The following FHIT variants were observed in gnomAD, a reference collection of about 807,000 sequenced individuals.
FHIT encodes the protein bis(5'-adenosyl)-triphosphatase.
FHIT carries 19 observed loss-of-function variants against 17.9 expected under a neutral mutation model. The ratio of observed to expected loss-of-function variants is 1.06; its 90% confidence interval spans 0.74 to 1.56. The LOEUF (loss-of-function observed/expected upper bound fraction) is 1.56, where lower values mean the gene tolerates loss of function less well. FHIT is among the 40% of genes most tolerant of loss of function. The pLI is 0.00. For synonymous variants in FHIT, 81 were observed against 69.7 expected, an observed-to-expected ratio of 1.16 and a Z score of -0.81; for missense variants, 248 against 189.2, an observed-to-expected ratio of 1.31 and a Z score of -1.82.
intron 5 of FHIT, among the ~76,000 whole-genome samples, chr3:60,205,925 G>A (rs1303443535): frequency 7.9e-5 from 12 of 151,046 alleles, no homozygotes; most frequent in Admixed American, 4.0e-4. Flanking sequence ...TGGCTAACAC[G>A]GTGAAACCCC....
chr3:60,431,281 C>A (rs915607234), intron 5 of FHIT, among the ~76,000 whole-genome samples: 2 of 151,488 alleles, frequency 1.3e-5, no homozygotes, highest in African/African-American at 2.4e-5. Context: ...CTTGCTCCAT[C>A]ATTTCTTTTT....
chr3:60,461,658 T>C (rs1009537081), intron 5 of FHIT, among the ~76,000 whole-genome samples: 9 of 152,210 alleles, frequency 5.9e-5, no homozygotes, highest in Non-Finnish European at 1.0e-4. Flanking sequence ...GAAGTCTTTT[T>C]TCTTCTGCAA....
intron 8 of FHIT, among the ~76,000 whole-genome samples, chr3:59,889,482 T>C (rs650197): frequency 0.99 from 150,951 of 152,336 alleles, 74,802 homozygotes; most frequent in Middle Eastern, 1. Flanking sequence ...AATTACATCA[T>C]GAAGGTGAGA....
intron 4 of FHIT, among the ~76,000 whole-genome samples, chr3:60,537,664 G>A (rs1298482180): frequency 5.9e-5 from 9 of 152,122 alleles, no homozygotes; most frequent in Admixed American, 5.2e-4. Context: ...GCCATGGGGG[G>A]CCGGGGGCAG....
At chr3:60,709,590 C>T (rs1027184392) in intron 4 of FHIT, among the ~76,000 whole-genome samples, 2 of 152,178 alleles carry the variant, frequency 1.3e-5, no homozygotes, top group African/African-American at 4.8e-5. Flanking sequence ...TAACAGTGCA[C>T]ATTGCTCTGG....
chr3:60,437,475 C>T (rs946991911), intron 5 of FHIT, among the ~76,000 whole-genome samples: 2 of 152,048 alleles, frequency 1.3e-5, no homozygotes, highest in African/African-American at 4.8e-5. Flanking sequence ...CTGAATCCTG[C>T]TCTATGCCCG....
At chr3:60,075,424 T>A (rs901890961) in intron 5 of FHIT, among the ~76,000 whole-genome samples, 1 of 152,150 alleles carries the variant, frequency 6.6e-6, no homozygotes, top group African/African-American at 2.4e-5. Flanking sequence ...CAAGTGCTCA[T>A]TGTATCATTT....
At chr3:60,336,591 A>T (rs1022691663) in intron 5 of FHIT, among the ~76,000 whole-genome samples, 24 of 152,182 alleles carry the variant, frequency 1.6e-4, no homozygotes, top group Admixed American at 1.6e-3. Flanking sequence ...CCAATATGGT[A>T]GCCACCAGCC....
intron 5 of FHIT, among the ~76,000 whole-genome samples, chr3:60,223,894 G>A (rs7619114): frequency 0.033 from 5,084 of 152,014 alleles, 256 homozygotes; most frequent in African/African-American, 0.11. Context: ...TTCTCAAAGC[G>A]GAGTCAAGTT....
At chr3:60,494,080 T>C (rs562710893) in intron 5 of FHIT, among the ~76,000 whole-genome samples, 3 of 152,304 alleles carry the variant, frequency 2.0e-5, no homozygotes, top group Non-Finnish European at 4.4e-5. Context: ...AATTCATCAA[T>C]CATTTTAAAG....
chr3:61,141,646 T>G (rs2037084657), intron 2 of FHIT, among the ~76,000 whole-genome samples: 1 of 151,378 alleles, frequency 6.6e-6, no homozygotes, highest in Non-Finnish European at 1.5e-5. Context: ...CTGAGTGGGT[T>G]GGGTTGAGGA....
At chr3:61,021,771 G>A (rs952449513) in intron 3 of FHIT, among the ~76,000 whole-genome samples, 19 of 152,110 alleles carry the variant, frequency 1.2e-4, no homozygotes, top group African/African-American at 4.6e-4. Flanking sequence ...AATTAAGGCA[G>A]AAATAAGTAA....
rs758846688 is a variant in FHIT at position 61,150,949 on chromosome 3, AT to A, written c.-164+49667del. ...CCACCAAATTGCATTCATGGAAAGCATTTTTTTTATATTTCATTTTACTGCC... is the reference window on the plus strand; with the variant it reads ...CCACCAAATTGCATTCATGGAAAGCATTTTTTTATATTTCATTTTACTGCC... On this transcript the variant is annotated intron_variant, in intron 2 of 9. Coordinates refer to ENST00000492590, the MANE Select transcript of FHIT (RefSeq NM_002012.4). Among the ~76,000 whole-genome samples, 147 of 152,162 alleles carry A rather than the reference AT, an allele frequency of 9.7e-4. 2 individuals are homozygous for A. The highest frequency in any genetic ancestry group is 1.2e-3 in the Non-Finnish European group (79 of 68,006).
intron 8 of FHIT, among the ~76,000 whole-genome samples, chr3:59,763,141 G>C (rs1436135600): frequency 6.6e-6 from 1 of 152,216 alleles, no homozygotes; most frequent in Non-Finnish European, 1.5e-5. Flanking sequence ...GGAATGGGAA[G>C]AGGCATAGGG....
At chr3:60,830,676 G>A (rs1422179332) in intron 3 of FHIT, among the ~76,000 whole-genome samples, 1 of 152,122 alleles carries the variant, frequency 6.6e-6, no homozygotes, top group Admixed American at 6.5e-5. Flanking sequence ...TTCTACATTA[G>A]GAGAGCAAAA....
At chr3:61,204,486 C>T (rs945066299) in intron 1 of FHIT, among the ~76,000 whole-genome samples, 3 of 151,878 alleles carry the variant, frequency 2.0e-5, no homozygotes, top group Admixed American at 6.6e-5. Flanking sequence ...ATAGAGTAAA[C>T]GCAATCGATT....
chr3:60,837,911 AT>A (rs1702590772), intron 3 of FHIT, among the ~76,000 whole-genome samples: 1 of 152,130 alleles, frequency 6.6e-6, no homozygotes, highest in Admixed American at 6.6e-5. Flanking sequence ...TATCTTCCCC[AT>A]TTATAATATA....
At chr3:60,949,227 T>C (rs1708771270) in intron 3 of FHIT, among the ~76,000 whole-genome samples, 1 of 152,084 alleles carries the variant, frequency 6.6e-6, no homozygotes, top group Admixed American at 6.5e-5. Flanking sequence ...ACCACACCAA[T>C]GGTGGCAGGA....
intron 8 of FHIT, among the ~76,000 whole-genome samples, chr3:59,752,928 T>C (rs991423118): frequency 2.0e-5 from 3 of 152,168 alleles, no homozygotes; most frequent in Non-Finnish European, 4.4e-5. Context: ...AATGGACTAA[T>C]ACAGGTGATC....
Sources: allele counts gnomAD v4.1 joint callset (sites outside exome capture counted in the v4.1 genomes callset), GRCh38; gene constraint gnomAD v4.1.1; transcripts MANE v1.5; gene names NCBI Gene and HGNC (gene_info 2026-07-23, HGNC 2026-07-21).